Variants in C1QTNF7 observed in about 807,000 individuals in gnomAD.
C1QTNF7 encodes C1q and TNF related 7, also known as complement C1q tumor necrosis factor-related protein 7.
In C1QTNF7, 15 loss-of-function variants were observed where a neutral mutation model predicts 19.6. That is an observed-to-expected ratio of 0.76 (90% CI 0.51 to 1.18). C1QTNF7 has a LOEUF of 1.18. Ranked by LOEUF, C1QTNF7 falls within the 50% of genes most tolerant of loss-of-function variation. The pLI, the probability that C1QTNF7 is intolerant of heterozygous loss-of-function variation, is 0.00. For missense variants in C1QTNF7, 324 were observed against 359.7 expected, an observed-to-expected ratio of 0.90 and a Z score of 0.80; for synonymous variants, 142 against 137.5, an observed-to-expected ratio of 1.03 and a Z score of -0.23.
chr4:15,402,440 A>C (rs1446463752), intron 1 of C1QTNF7, among the ~76,000 whole-genome samples: 2 of 152,236 alleles, frequency 1.3e-5, no homozygotes, highest in African/African-American at 2.4e-5. Flanking sequence ...TCCACCAAAT[A>C]AGGACATGAG....
At chr4:15,427,008 A>G (rs1204949976), upstream of C1QTNF7, among the ~76,000 whole-genome samples, 1 of 152,246 alleles carries the variant, frequency 6.6e-6, no homozygotes, top group African/African-American at 2.4e-5. Context: ...TCTATGCTCA[A>G]GACATTGTTT....
intron 1 of C1QTNF7, among the ~76,000 whole-genome samples, chr4:15,366,374 G>C (rs1245454510): frequency 6.6e-6 from 1 of 152,084 alleles, no homozygotes; most frequent in Non-Finnish European, 1.5e-5. Context: ...TACAGTTGAG[G>C]GCATGTTAAG....
chr4:15,412,763 C>T (rs1372557262), intron 1 of C1QTNF7, among the ~76,000 whole-genome samples: 6 of 152,192 alleles, frequency 3.9e-5, no homozygotes, highest in African/African-American at 1.2e-4. Context: ...CTTGAAAAGA[C>T]ACAAGTGCAT....
chr4:15,437,937 A>T (rs1213616161), intron 2 of C1QTNF7, among the ~76,000 whole-genome samples: 3 of 152,162 alleles, frequency 2.0e-5, no homozygotes, highest in Non-Finnish European at 4.4e-5. Flanking sequence ...CCTGGTTGAG[A>T]ACGCTGTTCT....
intron 1 of C1QTNF7, chr4:15,374,554 C>T: frequency 1.0e-6 from 1 of 985,350 alleles, no homozygotes; most frequent in Non-Finnish European, 1.2e-6. Flanking sequence ...AGCGTCATTG[C>T]ACGCCGGGGT....
intron 1 of C1QTNF7, among the ~76,000 whole-genome samples, chr4:15,398,358 T>C (rs578067027): frequency 6.6e-6 from 1 of 152,244 alleles, no homozygotes; most frequent in South Asian, 2.1e-4. Flanking sequence ...TTAATATCCA[T>C]TATTGACCAC....
chr4:15,348,436 C>T (rs1716789638), intron 1 of C1QTNF7, among the ~76,000 whole-genome samples: 1 of 152,170 alleles, frequency 6.6e-6, no homozygotes, highest in African/African-American at 2.4e-5. Flanking sequence ...TACATTGCTG[C>T]CTTCATGCCT....
chr4:15,372,724 A>C (rs1002325871), intron 1 of C1QTNF7, among the ~76,000 whole-genome samples: 6 of 152,218 alleles, frequency 3.9e-5, no homozygotes, highest in Non-Finnish European at 5.9e-5. Context: ...AAATAAAGAC[A>C]TTCCCATTTG....
Position 15,442,593 on chromosome 4 carries a change from G to C in C1QTNF7, c.664G>C (p.Asp222His). Reference sequence around the variant, plus strand: ...TGGGCAATACCGGATAAAGACCTTCGACGCCAACACAGGAAACCATGATGT... The same window carrying C: ...TGGGCAATACCGGATAAAGACCTTCCACGCCAACACAGGAAACCATGATGT... ...HNGQYRIKTFDANTGNHDVAS... is the reference protein window; with the variant it reads ...HNGQYRIKTFHANTGNHDVAS... The change falls in exon 3 of 3, where the codon GAC becomes CAC. Residue 222 changes from aspartate to histidine, a missense_variant. Coordinates refer to ENST00000444304, the MANE Select transcript of C1QTNF7 (RefSeq NM_031911.5). 1 of 1,614,092 alleles carries C rather than the reference G, an allele frequency of 6.2e-7. No individual in the cohort carries two copies. The highest frequency in any genetic ancestry group is 8.5e-7 in the Non-Finnish European group (1 of 1,180,014).
At chr4:15,343,763 G>A (rs1716625822) in intron 1 of C1QTNF7, among the ~76,000 whole-genome samples, 1 of 152,174 alleles carries the variant, frequency 6.6e-6, no homozygotes, top group South Asian at 2.1e-4. Flanking sequence ...CCAGTAATTA[G>A]TCACATTCTT....
chr4:15,353,860 A>G (rs1176493676), intron 1 of C1QTNF7, among the ~76,000 whole-genome samples: 2 of 152,192 alleles, frequency 1.3e-5, no homozygotes, highest in Non-Finnish European at 2.9e-5. Flanking sequence ...AAATGTGTTT[A>G]AATTAATGAA....
intron 1 of C1QTNF7, among the ~76,000 whole-genome samples, chr4:15,403,717 G>C (rs1719081383): frequency 6.6e-6 from 1 of 152,106 alleles, no homozygotes; most frequent in African/African-American, 2.4e-5. Flanking sequence ...ACGTCTTTGA[G>C]GGGGCTACTA....
At chr4:15,415,004 T>C (rs962350196) in intron 1 of C1QTNF7, among the ~76,000 whole-genome samples, 1 of 152,168 alleles carries the variant, frequency 6.6e-6, no homozygotes, top group Admixed American at 6.5e-5. Context: ...AAAACATGAG[T>C]GCGCATACCC....
intron 1 of C1QTNF7, among the ~76,000 whole-genome samples, chr4:15,403,422 T>G (rs1286338654): frequency 6.6e-6 from 1 of 152,184 alleles, no homozygotes; most frequent in Non-Finnish European, 1.5e-5. Flanking sequence ...TTGACAGGGT[T>G]TGTTCCTTCT....
intron 1 of C1QTNF7, among the ~76,000 whole-genome samples, chr4:15,414,201 C>G (rs1183163217): frequency 1.3e-5 from 2 of 151,908 alleles, no homozygotes; most frequent in African/African-American, 2.4e-5. Context: ...ATAAATAAAC[C>G]ATTTATTATT....
intron 2 of C1QTNF7, among the ~76,000 whole-genome samples, chr4:15,436,427 GC>G (rs980934484): frequency 4.6e-5 from 7 of 152,194 alleles, no homozygotes; most frequent in African/African-American, 1.7e-4. Flanking sequence ...TTAAGCAGAG[GC>G]AAAAACCAGG....
At chr4:15,343,318 C>A (rs932602212) in intron 1 of C1QTNF7, among the ~76,000 whole-genome samples, 2 of 152,156 alleles carry the variant, frequency 1.3e-5, no homozygotes, top group Non-Finnish European at 2.9e-5. Flanking sequence ...AACATTAAAT[C>A]AATGTTTCCC....
intron 1 of C1QTNF7, among the ~76,000 whole-genome samples, chr4:15,387,157 G>A (rs1337113515): frequency 6.6e-6 from 1 of 152,172 alleles, no homozygotes; most frequent in East Asian, 1.9e-4. Flanking sequence ...AGAATCAAAG[G>A]GGACTCCAAG....
intron 1 of C1QTNF7, among the ~76,000 whole-genome samples, chr4:15,351,374 A>C (rs2109288568): frequency 6.6e-6 from 1 of 152,332 alleles, no homozygotes; most frequent in Non-Finnish European, 1.5e-5. Context: ...GTAACAACTA[A>C]AACTGTATGT....
Sources: gnomAD v4.1 joint callset for allele counts (sites outside exome capture counted in the v4.1 genomes callset) on GRCh38, gnomAD v4.1.1 for gene constraint, MANE v1.5 for transcripts, NCBI Gene and HGNC (gene_info 2026-07-23, HGNC 2026-07-21) for gene names.